PHF2: variants seen among roughly 807,000 people sequenced by gnomAD.
PHF2 encodes lysine-specific demethylase PHF2.
A neutral mutation model predicts 120.5 loss-of-function variants in PHF2; 27 were observed. The observed-to-expected ratio is 0.22, with a 90% CI of 0.17 to 0.31. PHF2 has a LOEUF of 0.31. PHF2 is among the 10% of genes least tolerant of loss of function. The pLI, the probability that PHF2 is intolerant of heterozygous loss-of-function variation, is 1.00. For synonymous variants in PHF2, 568 were observed against 592.5 expected, an observed-to-expected ratio of 0.96 and a Z score of 0.60; for missense variants, 1,024 against 1,434.8, an observed-to-expected ratio of 0.71 and a Z score of 4.63.
At chr9:93,671,580 A>T (rs1439841552) in intron 17 of PHF2, among the ~76,000 whole-genome samples, 1 of 98,832 alleles carries the variant, frequency 1.0e-5, no homozygotes, top group Non-Finnish European at 2.0e-5. Context: ...GTAGATGCAG[A>T]TGTGGGTGTG....
At chr9:93,595,218 T>TA (rs1304163881) in intron 1 of PHF2, among the ~76,000 whole-genome samples, 1 of 152,222 alleles carries the variant, frequency 6.6e-6, no homozygotes, top group Non-Finnish European at 1.5e-5. Context: ...AATAATTACT[T>TA]ACACATACTT....
At chr9:93,659,697 C>A in intron 11 of PHF2, 97 bp downstream of exon 11, 1 of 1,150,304 alleles carries the variant, frequency 8.7e-7, no homozygotes, top group Non-Finnish European at 1.3e-6. Flanking sequence ...CACAGAGCTG[C>A]CAGGTCTGGG....
chr9:93,576,786 C>A lies in PHF2; in HGVS notation c.13C>A (p.Pro5Thr). 1 of 1,274,186 alleles carries A rather than the reference C, an allele frequency of 7.8e-7. No individual in the cohort carries two copies. The highest frequency in any genetic ancestry group is 1.3e-5 in the South Asian group (1 of 79,530). 78.9% of individuals were successfully genotyped at this position (1,274,186 alleles called of 1,614,324 possible). The change falls in exon 1 of 22, where the codon CCC becomes ACC. Residue 5 changes from proline (P) to threonine (T), a missense_variant. By Grantham distance (38) the Pro-to-Thr change is conservative. This residue lies in a region of PHF2 where 347 missense variants were observed against 577.4 expected (regional missense o/e 0.60). Coordinates refer to ENST00000359246, the MANE Select transcript of PHF2 (RefSeq NM_005392.4). MATVPVYCVCRLPYD... is the reference protein window; with the variant it reads MATVTVYCVCRLPYD... ...GCGGCGCGGCAACATGGCGACGGTG[C>A]CCGTGTACTGCGTCTGCCGGCTCCC...
intron 1 of PHF2, among the ~76,000 whole-genome samples, chr9:93,591,417 G>A (rs553780136): frequency 5.4e-5 from 7 of 130,142 alleles, no homozygotes; most frequent in African/African-American, 1.0e-4. Flanking sequence ...AGGCTGTACC[G>A]TGGCCTTGCT....
chr9:93,607,940 T>TGAGAAAGA lies in PHF2; in HGVS notation c.99-22026_99-22025insAAGAGAGA, dbSNP rs1554792552. Among the ~76,000 whole-genome samples the TGAGAAAGA allele has an allele frequency of 4.9e-3, 631 of 128,400 alleles. 8 individuals are homozygous for TGAGAAAGA. Among genetic ancestry groups the TGAGAAAGA allele is most frequent in the South Asian group, 0.024 (90 of 3,816 alleles). The allele number at this position is 128,400 out of a possible 152,430, so 84.2% of individuals were successfully genotyped here. ...GATGAGAGAGAGAGAGGGAAAGAGATGAGAGAGAGAGAGAGAGAGAGAGGG... is the reference window on the plus strand; with the variant it reads ...GATGAGAGAGAGAGAGGGAAAGAGATGAGAAAGAGAGAGAGAGAGAGAGAGAGAGAGGG... On this transcript the variant is annotated intron_variant, in intron 1 of 21. Coordinates refer to ENST00000359246, the MANE Select transcript of PHF2 (RefSeq NM_005392.4).
At chr9:93,671,652 T>G (rs111802777) in intron 17 of PHF2, among the ~76,000 whole-genome samples, 1,200 of 28,210 alleles carry the variant, frequency 0.043, no homozygotes, top group Admixed American at 0.06. Flanking sequence ...GTAGATGCAG[T>G]TGTGGGTGTG....
rs775117587 is a variant in PHF2, at chr9:93,576,751, G to A, written c.-23G>A. Reference sequence around the variant, plus strand: ...ACCCGGGCAGCGCAGCGGCGGGGCCGAGCGGCGGCGCGGCGCGGCAACATG... The same window carrying A: ...ACCCGGGCAGCGCAGCGGCGGGGCCAAGCGGCGGCGCGGCGCGGCAACATG... On this transcript the variant is annotated 5_prime_UTR_variant, in exon 1 of 22. Transcript: ENST00000359246. 2 of 1,157,474 alleles carry A rather than the reference G, an allele frequency of 1.7e-6. No individual in the cohort carries two copies. The highest frequency in any genetic ancestry group is 3.4e-5 in the African/African-American group (2 of 59,486). The allele number at this position is 1,157,474 out of a possible 1,614,324, so 71.7% of individuals were successfully genotyped here. A position where few individuals can be genotyped will look rare whatever the true frequency, so the allele number is the denominator to read the frequency against.
At position 93,628,525 on chromosome 9, in the gene PHF2, A is replaced by G. The variant is rs142312257; in HGVS notation, c.99-1445A>G. On this transcript the variant is annotated intron_variant, in intron 1 of 21. Coordinates refer to ENST00000359246, the MANE Select transcript of PHF2 (RefSeq NM_005392.4). ...GTAATTTATTGACCTATAATTTTTC[A>G]TAGTATTCTGTTATAATCCTTTTTT... 3.3e-4 allele frequency among the ~76,000 whole-genome samples: 51 copies of G among 152,278 alleles called. No individual in the cohort carries two copies. The East Asian group carries it at 5.8e-3, about 17-fold the overall frequency.
intron 1 of PHF2, among the ~76,000 whole-genome samples, chr9:93,615,335 G>A (rs1173911152): frequency 6.6e-6 from 1 of 151,910 alleles, no homozygotes; most frequent in Non-Finnish European, 1.5e-5. Context: ...TGGTGATGGT[G>A]ATGATAGCAA....
chr9:93,650,937 A>G (rs1365928751), intron 5 of PHF2, among the ~76,000 whole-genome samples: 1 of 152,158 alleles, frequency 6.6e-6, no homozygotes, highest in Non-Finnish European at 1.5e-5. Context: ...AAGAGAATAC[A>G]AAACTATGCC....
At chr9:93,630,824 G>A (rs904867315) in intron 2 of PHF2, among the ~76,000 whole-genome samples, 1 of 152,208 alleles carries the variant, frequency 6.6e-6, no homozygotes, top group Non-Finnish European at 1.5e-5. Context: ...GGGTGTGCGT[G>A]TGTTAATGTG....
At chr9:93,647,001 C>T (rs1826272111) in intron 4 of PHF2, among the ~76,000 whole-genome samples, 1 of 152,210 alleles carries the variant, frequency 6.6e-6, no homozygotes, top group African/African-American at 2.4e-5. Flanking sequence ...AGCCGGGATC[C>T]AGCCCCTGGT....
At chr9:93,668,484 T>G (rs1222404860) in intron 17 of PHF2, among the ~76,000 whole-genome samples, 1 of 151,862 alleles carries the variant, frequency 6.6e-6, no homozygotes, top group Non-Finnish European at 1.5e-5. Flanking sequence ...CCGAGGTCCA[T>G]GGAGAGGCCT....
At chr9:93,577,022 G>A in intron 1 of PHF2, 151 bp downstream of exon 1, 1 of 170,878 alleles carries the variant, frequency 5.9e-6, no homozygotes, top group Non-Finnish European at 1.1e-5. Flanking sequence ...GGTCGGGGCT[G>A]GGCCGTGCCG....
intron 10 of PHF2, among the ~76,000 whole-genome samples, chr9:93,658,502 G>A (rs1826499540): frequency 6.6e-6 from 1 of 152,200 alleles, no homozygotes; most frequent in East Asian, 1.9e-4. Context: ...TCCATCAGGG[G>A]CTCACAGCTT....
chr9:93,624,351 A>G (rs1825871660), intron 1 of PHF2, among the ~76,000 whole-genome samples: 1 of 151,456 alleles, frequency 6.6e-6, no homozygotes, highest in Non-Finnish European at 1.5e-5. Flanking sequence ...ATGATGGTGT[A>G]GCATTGTTGG....
In PHF2 at chr9:93,655,997, G is replaced by C; in HGVS notation, c.1016G>C (p.Ser339Thr). 6.2e-7 allele frequency: 1 copy of C among 1,612,518 alleles called. No individual in the cohort carries two copies. The highest frequency in any genetic ancestry group is 1.1e-5 in the South Asian group (1 of 90,758). Residue 339 changes from serine (S) to threonine (T), a missense_variant, in exon 8 of 22, where the codon AGC (serine) becomes ACC (threonine). This residue lies in a region of PHF2 where 347 missense variants were observed against 577.4 expected (regional missense o/e 0.60). Transcript: ENST00000359246. ...CLAFAGHFLH[S>T]LSVEMQMRAY... ...GCCTTCGCGGGACATTTCCTCCACA[G>C]CCTGAGTGTGGAGATGCAGATGAGG...
chr9:93,672,787 A>C (rs908948758), intron 17 of PHF2: 1 of 951,830 alleles, frequency 1.1e-6, no homozygotes, highest in Admixed American at 7.6e-5. Flanking sequence ...TGGGTATAGG[A>C]GTAGGTACAG....
chr9:93,648,961 C>G, intron 4 of PHF2, 110 bp from the exon 5 acceptor site: 1 of 1,258,338 alleles, frequency 7.9e-7, no homozygotes, highest in African/African-American at 1.5e-5. Flanking sequence ...CTGGCAGCTC[C>G]TGCTGTGTGT....
Sources: gnomAD v4.1 joint callset for allele counts (sites outside exome capture counted in the v4.1 genomes callset) on GRCh38, gnomAD v4.1.1 for gene constraint, gnomAD v4.1.1 regional missense constraint, MANE v1.5 for transcripts, NCBI Gene and HGNC (gene_info 2026-07-23, HGNC 2026-07-21) for gene names.